The following NAALADL2 variants were observed in gnomAD, a reference collection of about 807,000 sequenced individuals.
NAALADL2 encodes the protein inactive N-acetylated-alpha-linked acidic dipeptidase-like protein 2.
Under a neutral mutation model 87.2 loss-of-function variants are expected in NAALADL2, and 76 were observed. That is an observed-to-expected ratio of 0.87 (90% CI 0.72 to 1.05). The LOEUF is 1.05. Ranked by LOEUF, NAALADL2 falls within the 50% of genes least tolerant of loss-of-function variation. The pLI is 0.00. For synonymous variants in NAALADL2, 354 were observed against 331.0 expected, an observed-to-expected ratio of 1.07 and a Z score of -0.75; for missense variants, 1,089 against 945.8, an observed-to-expected ratio of 1.15 and a Z score of -1.99.
chr3:175,448,644 T>C (rs1274945053), intron 6 of NAALADL2, among the ~76,000 whole-genome samples: 3 of 152,198 alleles, frequency 2.0e-5, no homozygotes, highest in African/African-American at 4.8e-5. Flanking sequence ...TCATCTTAAA[T>C]AGTTGTGAGA....
intron 2 of NAALADL2, among the ~76,000 whole-genome samples, chr3:175,183,770 A>G (rs1736943478): frequency 6.6e-6 from 1 of 152,060 alleles, no homozygotes. Context: ...ATGTTGATCA[A>G]TCATATGCCT....
chr3:174,800,608 A>T (rs552057590), intron 3 of NAALADL2, among the ~76,000 whole-genome samples: 1 of 152,268 alleles, frequency 6.6e-6, no homozygotes, highest in Admixed American at 6.5e-5. Context: ...CAGAGTCCCT[A>T]CTGGGGCACC....
chr3:174,465,685 G>A (rs925225396), intron 1 of NAALADL2, among the ~76,000 whole-genome samples: 1 of 152,028 alleles, frequency 6.6e-6, no homozygotes, highest in African/African-American at 2.4e-5. Flanking sequence ...TCCATTTTCT[G>A]AGCATAGAAA....
intron 9 of NAALADL2, among the ~76,000 whole-genome samples, chr3:175,508,662 C>T (rs1010348185): frequency 1.3e-5 from 2 of 152,104 alleles, no homozygotes; most frequent in African/African-American, 4.8e-5. Context: ...CTTCAGAATG[C>T]CTCTAAATAC....
intron 3 of NAALADL2, among the ~76,000 whole-genome samples, chr3:174,820,616 G>T (rs1721313847): frequency 6.6e-6 from 1 of 151,918 alleles, no homozygotes. Flanking sequence ...AAACTTTTGT[G>T]ATATATAATT....
chr3:175,181,279 T>C (rs1580816575), intron 2 of NAALADL2, among the ~76,000 whole-genome samples: 1 of 152,068 alleles, frequency 6.6e-6, no homozygotes, highest in East Asian at 1.9e-4. Flanking sequence ...TAAATTGTAG[T>C]TTTTTATATT....
intron 11 of NAALADL2, among the ~76,000 whole-genome samples, chr3:175,635,726 A>AT (rs11368668): frequency 0.26 from 38,774 of 151,670 alleles, 5,558 homozygotes; most frequent in African/African-American, 0.4. Flanking sequence ...TAATTTCTGC[A>AT]TTTTTTCCTC....
intron 2 of NAALADL2, among the ~76,000 whole-genome samples, chr3:175,118,861 T>G (rs1185998721): frequency 6.6e-6 from 1 of 151,764 alleles, no homozygotes; most frequent in Non-Finnish European, 1.5e-5. Context: ...AAATTATAGC[T>G]GTGGTACTCA....
intron 1 of NAALADL2, among the ~76,000 whole-genome samples, chr3:174,517,360 C>T (rs528301795): frequency 1.3e-5 from 2 of 152,088 alleles, no homozygotes; most frequent in East Asian, 3.9e-4. Flanking sequence ...TTAGCAGTTC[C>T]TTTTCATATC....
intron 1 of NAALADL2, among the ~76,000 whole-genome samples, chr3:175,026,080 G>A (rs1312849460): frequency 2.0e-5 from 3 of 152,044 alleles, no homozygotes; most frequent in African/African-American, 7.2e-5. Flanking sequence ...CAAAATGCTG[G>A]AATTACAGGC....
At chr3:174,986,232 T>C (rs1745850317) in intron 1 of NAALADL2, among the ~76,000 whole-genome samples, 1 of 148,378 alleles carries the variant, frequency 6.7e-6, no homozygotes, top group Admixed American at 6.8e-5. Flanking sequence ...AACATGTAGA[T>C]GTGTGTATAT....
At chr3:174,975,149 A>T (rs1156449421) in intron 1 of NAALADL2, among the ~76,000 whole-genome samples, 5 of 152,132 alleles carry the variant, frequency 3.3e-5, no homozygotes, top group African/African-American at 1.2e-4. Context: ...CAGACTGTGC[A>T]CCAGCATATT....
intron 11 of NAALADL2, among the ~76,000 whole-genome samples, chr3:175,727,405 G>A (rs1583029386): frequency 6.6e-6 from 1 of 151,998 alleles, no homozygotes; most frequent in Non-Finnish European, 1.5e-5. Context: ...TTTCTTTTTG[G>A]TAGGCCCCTG....
chr3:174,883,914 C>T (rs55848386), intron 1 of NAALADL2, among the ~76,000 whole-genome samples: 11,646 of 152,204 alleles, frequency 0.077, 518 homozygotes, highest in Middle Eastern at 0.12. Flanking sequence ...TCCTGTATTC[C>T]ATGCATACTC....
chr3:175,334,462 C>T (rs976655965), intron 5 of NAALADL2, among the ~76,000 whole-genome samples: 1 of 152,062 alleles, frequency 6.6e-6, no homozygotes, highest in African/African-American at 2.4e-5. Flanking sequence ...CCCCCTCAAT[C>T]GACCACCTCA....
chr3:175,635,373 T>G (rs1223052028), intron 11 of NAALADL2, among the ~76,000 whole-genome samples: 2 of 152,090 alleles, frequency 1.3e-5, no homozygotes. Flanking sequence ...TTATTAACAC[T>G]TATTAAGATA....
chr3:175,142,014 C>T (rs1043630826), intron 2 of NAALADL2, among the ~76,000 whole-genome samples: 11 of 152,008 alleles, frequency 7.2e-5, no homozygotes, highest in African/African-American at 9.7e-5. Flanking sequence ...GCATTCTTGT[C>T]TTCAGGATTA....
intron 2 of NAALADL2, among the ~76,000 whole-genome samples, chr3:175,189,305 CAT>C (rs1034930256): frequency 6.6e-6 from 1 of 152,150 alleles, no homozygotes; most frequent in African/African-American, 2.4e-5. Context: ...TGTATTTACA[CAT>C]GACACAATCC....
chr3:175,683,429 C>A (rs16826141), intron 11 of NAALADL2, among the ~76,000 whole-genome samples: 4,329 of 151,920 alleles, frequency 0.028, 206 homozygotes, highest in African/African-American at 0.099. Context: ...CTTGCTTTAT[C>A]AAAACTAATT....
Sources: allele counts gnomAD v4.1 joint callset (sites outside exome capture counted in the v4.1 genomes callset), GRCh38; gene constraint gnomAD v4.1.1; transcripts MANE v1.5; gene names NCBI Gene and HGNC (gene_info 2026-07-23, HGNC 2026-07-21).